Variants in NBEA observed in about 807,000 individuals in gnomAD.
The protein encoded by NBEA is lysosomal-trafficking regulator 2.
A neutral mutation model predicts 343.4 loss-of-function variants in NBEA; 44 were observed. The observed-to-expected ratio is 0.13, with a 90% CI of 0.10 to 0.16. The LOEUF is 0.16. Among genes scored for constraint, NBEA ranks in the 10% least tolerant of loss-of-function variants. The probability of loss-of-function intolerance (pLI) is 1.00; values close to 1 mark genes in which losing one functional copy is unlikely to be tolerated. For synonymous variants in NBEA, 1,175 were observed against 1,238.7 expected (o/e 0.95, Z 1.08); for missense variants, 2,555 against 3,631.3 (o/e 0.70, Z 7.62).
chr13:35,069,400 T>C (rs2063779600), intron 8 of NBEA, among the ~76,000 whole-genome samples: 1 of 152,160 alleles, frequency 6.6e-6, no homozygotes, highest in South Asian at 2.1e-4. Context: ...TGTATGTATA[T>C]TGTGATATTA....
intron 26 of NBEA, among the ~76,000 whole-genome samples, chr13:35,172,198 C>T (rs1170391158): frequency 1.3e-5 from 2 of 151,896 alleles, no homozygotes; most frequent in Non-Finnish European, 2.9e-5. Context: ...TCAAAAATTC[C>T]TTTCTGATTC....
intron 10 of NBEA, among the ~76,000 whole-genome samples, chr13:35,074,686 A>G (rs1034928587): frequency 1.3e-5 from 2 of 152,160 alleles, no homozygotes; most frequent in African/African-American, 4.8e-5. Context: ...TTATTTTTAA[A>G]AAATAAATTT....
intron 1 of NBEA, among the ~76,000 whole-genome samples, chr13:34,965,179 A>T (rs539624344): frequency 6.6e-6 from 1 of 152,066 alleles, no homozygotes; most frequent in Non-Finnish European, 1.5e-5. Flanking sequence ...GGAGCATAGC[A>T]TAGGGATGGT....
At chr13:35,495,568 T>C (rs145245328) in intron 41 of NBEA, among the ~76,000 whole-genome samples, 75 of 152,066 alleles carry the variant, frequency 4.9e-4, no homozygotes, top group Middle Eastern at 3.4e-3. Context: ...TGTATCATTT[T>C]TGCACCACTG....
chr13:35,321,221 C>T (rs556793631), intron 36 of NBEA, among the ~76,000 whole-genome samples: 7 of 152,150 alleles, frequency 4.6e-5, no homozygotes, highest in Non-Finnish European at 7.4e-5. Context: ...TCCTCATCTT[C>T]GTGGATTTAT....
intron 8 of NBEA, among the ~76,000 whole-genome samples, 187 bp downstream of exon 8, chr13:35,059,050 A>G (rs930287761): frequency 3.3e-5 from 5 of 152,104 alleles, no homozygotes; most frequent in South Asian, 2.1e-4. Flanking sequence ...ATAAACTTTT[A>G]TTCTTCAGAA....
chr13:35,438,620 T>C (rs1183689831), intron 39 of NBEA, among the ~76,000 whole-genome samples: 2 of 152,216 alleles, frequency 1.3e-5, no homozygotes, highest in Non-Finnish European at 2.9e-5. Context: ...TAATTGGATC[T>C]CCTTATTTGA....
At chr13:35,110,369 A>T (rs780193971) in intron 12 of NBEA, among the ~76,000 whole-genome samples, 18 of 152,148 alleles carry the variant, frequency 1.2e-4, no homozygotes, top group Non-Finnish European at 2.1e-4. Flanking sequence ...GGAGAATTTG[A>T]AATTGCATGA....
At chr13:35,508,378 G>A (rs2077151748) in intron 41 of NBEA, among the ~76,000 whole-genome samples, 1 of 152,106 alleles carries the variant, frequency 6.6e-6, no homozygotes, top group African/African-American at 2.4e-5. Flanking sequence ...ACAAACATTG[G>A]GAAGGTACTA....
At chr13:35,356,804 G>A (rs2040513466) in intron 38 of NBEA, among the ~76,000 whole-genome samples, 1 of 152,062 alleles carries the variant, frequency 6.6e-6, no homozygotes, top group East Asian at 1.9e-4. Flanking sequence ...TTTGTATACA[G>A]GCCAAGCACT....
intron 41 of NBEA, chr13:35,474,310 A>T (rs1228550868): frequency 6.6e-6 from 1 of 152,656 alleles, no homozygotes; most frequent in Admixed American, 6.5e-5. Flanking sequence ...CATTTTTCAA[A>T]TATATAATTC....
At chr13:35,130,511 GGT>G (rs1339529528) in intron 17 of NBEA, among the ~76,000 whole-genome samples, 1 of 151,832 alleles carries the variant, frequency 6.6e-6, no homozygotes, top group Non-Finnish European at 1.5e-5. Flanking sequence ...TTATGAAAAA[GGT>G]GTAATTCACT....
intron 38 of NBEA, among the ~76,000 whole-genome samples, chr13:35,406,963 CT>C (rs551559932): frequency 2.1e-3 from 286 of 136,680 alleles, no homozygotes; most frequent in Non-Finnish European, 2.5e-3. Context: ...TTTCTTTGCT[CT>C]TTTTTTTTTT....
At chr13:35,588,815 C>T (rs2081399639) in intron 46 of NBEA, among the ~76,000 whole-genome samples, 1 of 152,130 alleles carries the variant, frequency 6.6e-6, no homozygotes, top group Admixed American at 6.6e-5. Context: ...CACTCAGTAA[C>T]TCGTTCACCT....
chr13:35,129,643 C>T (rs1400729600), intron 17 of NBEA, among the ~76,000 whole-genome samples: 3 of 151,670 alleles, frequency 2.0e-5, no homozygotes, highest in African/African-American at 7.3e-5. Flanking sequence ...GGAAAGGTTT[C>T]AAATATGGCT....
rs377482697 is a variant in NBEA, at chr13:35,562,462, CCT to C, written c.6923-4442_6923-4441del. On this transcript the variant is annotated intron_variant, in intron 44 of 58. Transcript: ENST00000379939. Reference sequence around the variant, plus strand: ...TAACACGGCTTTGTGTAAATGATCCCCTGTTAAACTTGAGAATTTTTTTTAAG... The same window carrying C: ...TAACACGGCTTTGTGTAAATGATCCCGTTAAACTTGAGAATTTTTTTTAAG... 1.6e-4 allele frequency among the ~76,000 whole-genome samples: 25 copies of C among 152,016 alleles called. No individual in the cohort carries two copies. In the East Asian group the frequency reaches 4.2e-3, roughly 26 times the overall value.
chr13:35,183,282 G>A (rs956191805), intron 29 of NBEA, among the ~76,000 whole-genome samples: 1 of 151,948 alleles, frequency 6.6e-6, no homozygotes, highest in African/African-American at 2.4e-5. Flanking sequence ...TCTATTGTTT[G>A]CAGTGAAACC....
In NBEA at chr13:35,208,130, G is replaced by T. The variant is rs973169007; in HGVS notation, c.5367-570G>T. ...AGCTACTTGGGAGGCTGACACGGGA[G>T]AATCACTTGAACCCAGGAGGCAGAG... is the stretch of plus-strand genomic sequence containing the variant. On this transcript the variant is annotated intron_variant, in intron 31 of 58. Transcript: ENST00000379939. Among the ~76,000 whole-genome samples, 5 of 152,210 alleles carry T rather than the reference G, an allele frequency of 3.3e-5. No individual in the cohort carries two copies. In the East Asian group the frequency reaches 9.7e-4, roughly 29 times the overall value.
chr13:35,381,252 A>G (rs910024802), intron 38 of NBEA, among the ~76,000 whole-genome samples: 4 of 152,108 alleles, frequency 2.6e-5, no homozygotes, highest in Non-Finnish European at 5.9e-5. Flanking sequence ...GGGGGAATAT[A>G]TACTTTCTTT....
Sources: gnomAD v4.1 joint callset for allele counts (sites outside exome capture counted in the v4.1 genomes callset) on GRCh38, gnomAD v4.1.1 for gene constraint, MANE v1.5 for transcripts, NCBI Gene and HGNC (gene_info 2026-07-23, HGNC 2026-07-21) for gene names.